The following LY86 variants were observed in gnomAD, a reference collection of about 807,000 sequenced individuals.
LY86 encodes the protein lymphocyte antigen 86, also known as MD-1, RP105-associated.
Under a neutral mutation model 17.3 loss-of-function variants are expected in LY86, and 20 were observed. The ratio of observed to expected loss-of-function variants is 1.15; its 90% CI spans 0.81 to 1.68. The LOEUF is 1.68. Among genes scored for constraint, LY86 ranks in the 40% most tolerant of loss-of-function variants. The pLI is 0.00. For synonymous variants in LY86, 74 were observed against 70.6 expected (o/e 1.05, Z -0.24); for missense variants, 200 against 191.9 (o/e 1.04, Z -0.25).
intron 1 of LY86, among the ~76,000 whole-genome samples, chr6:6,606,565 G>A (rs772262766): frequency 2.6e-5 from 4 of 152,188 alleles, no homozygotes; most frequent in Non-Finnish European, 5.9e-5. Context: ...AGGAGCCCAC[G>A]GAGCGGGGGG....
At chr6:6,632,338 A>G (rs1056988934) in intron 3 of LY86, among the ~76,000 whole-genome samples, 2 of 152,042 alleles carry the variant, frequency 1.3e-5, no homozygotes, top group East Asian at 3.9e-4. Context: ...ACATTTCTCT[A>G]TTTCTCAATT....
At chr6:6,632,474 C>G (rs1761910441) in intron 3 of LY86, among the ~76,000 whole-genome samples, 1 of 152,172 alleles carries the variant, frequency 6.6e-6, no homozygotes, top group African/African-American at 2.4e-5. Context: ...CCTCCCCTAC[C>G]CGAGGGACCT....
At chr6:6,605,703 C>T (rs1429197872) in intron 1 of LY86, among the ~76,000 whole-genome samples, 1 of 152,034 alleles carries the variant, frequency 6.6e-6, no homozygotes, top group Non-Finnish European at 1.5e-5. Context: ...AAGAATGAAG[C>T]CGCGGAACCT....
At chr6:6,616,234 G>T (rs1761551177) in intron 1 of LY86, among the ~76,000 whole-genome samples, 1 of 152,232 alleles carries the variant, frequency 6.6e-6, no homozygotes, top group Non-Finnish European at 1.5e-5. Flanking sequence ...TGGGAAGCTT[G>T]TTGGGTCTTG....
chr6:6,620,749 C>G (rs1354663228), intron 1 of LY86: 3 of 152,282 alleles, frequency 2.0e-5, no homozygotes, highest in East Asian at 3.8e-4. Context: ...GAAGGCACAA[C>G]AATACCTTTG....
chr6:6,589,673 T>C (rs1760465662), intron 1 of LY86, among the ~76,000 whole-genome samples: 1 of 152,176 alleles, frequency 6.6e-6, no homozygotes, highest in Admixed American at 6.5e-5. Flanking sequence ...GAGACCTCTC[T>C]TCTTTGCTTC....
At chr6:6,599,053 T>C (rs1484380387) in intron 1 of LY86, among the ~76,000 whole-genome samples, 1 of 152,204 alleles carries the variant, frequency 6.6e-6, no homozygotes, top group East Asian at 1.9e-4. Context: ...CATTCACAAC[T>C]CTTTGTCCTT....
At position 6,654,809 on chromosome 6, in the gene LY86, T is replaced by C. The variant is rs1175909201; in HGVS notation, c.*182T>C. The C allele has an allele frequency of 1.7e-5, 10 of 589,624 alleles. No individual in the cohort carries two copies. The highest frequency in any genetic ancestry group is 2.7e-5 in the Non-Finnish European group (9 of 331,790). The allele number at this position is 589,624 out of a possible 1,614,324, so 36.5% of individuals were successfully genotyped here. On this transcript the variant is annotated 3_prime_UTR_variant, in exon 5 of 5. Transcript: ENST00000230568. The stretch of plus-strand genomic sequence containing the variant: ...ACCAGACATCCCCAGACTCCACAGA[T>C]GTAATGAAGTCCCCGAATGTATCTG...
intron 1 of LY86, among the ~76,000 whole-genome samples, chr6:6,612,315 C>T (rs1012254904): frequency 8.5e-5 from 13 of 152,152 alleles, no homozygotes; most frequent in Admixed American, 2.6e-4. Context: ...TAACTTCAGG[C>T]GTGAAACTGC....
intron 1 of LY86, among the ~76,000 whole-genome samples, chr6:6,616,219 A>C (rs1761551045): frequency 6.6e-6 from 1 of 152,324 alleles, no homozygotes; most frequent in South Asian, 2.1e-4. Flanking sequence ...GAATTTTATC[A>C]AAATTGGGAA....
intron 1 of LY86, among the ~76,000 whole-genome samples, chr6:6,593,141 C>A (rs1280006167): frequency 6.6e-6 from 1 of 152,268 alleles, no homozygotes; most frequent in African/African-American, 2.4e-5. Context: ...ATCAATTTCA[C>A]TGGGTAGACA....
chr6:6,605,018 TAA>T (rs993009854), intron 1 of LY86, among the ~76,000 whole-genome samples: 4 of 143,884 alleles, frequency 2.8e-5, no homozygotes, highest in African/African-American at 7.3e-5. Flanking sequence ...CAATAGTAAG[TAA>T]AAGACTTTGG....
intron 1 of LY86, among the ~76,000 whole-genome samples, chr6:6,615,077 G>A (rs911269246): frequency 1.3e-5 from 2 of 152,216 alleles, no homozygotes; most frequent in Non-Finnish European, 2.9e-5. Context: ...GTGATACACG[G>A]TAGACGTAGG....
intron 1 of LY86, among the ~76,000 whole-genome samples, chr6:6,611,462 C>T (rs1761329926): frequency 6.6e-6 from 1 of 152,218 alleles, no homozygotes; most frequent in Non-Finnish European, 1.5e-5. Context: ...CAGAACAGGA[C>T]CTGCTGTGGA....
At chr6:6,617,045 A>T (rs1265724753) in intron 1 of LY86, among the ~76,000 whole-genome samples, 1 of 152,232 alleles carries the variant, frequency 6.6e-6, no homozygotes. Context: ...CTTCCATTGT[A>T]AAAAGAGAGC....
At chr6:6,592,480 C>T (rs959569566) in intron 1 of LY86, among the ~76,000 whole-genome samples, 17 of 152,132 alleles carry the variant, frequency 1.1e-4, no homozygotes, top group African/African-American at 4.1e-4. Flanking sequence ...GACAGAAATA[C>T]TTATGATTGG....
intron 1 of LY86, among the ~76,000 whole-genome samples, chr6:6,589,712 T>C (rs1760466932): frequency 6.6e-6 from 1 of 152,206 alleles, no homozygotes; most frequent in Non-Finnish European, 1.5e-5. Flanking sequence ...TGTCTCCTCA[T>C]GTGCTCTTCC....
At chr6:6,597,427 G>A (rs1760749219) in intron 1 of LY86, among the ~76,000 whole-genome samples, 1 of 152,188 alleles carries the variant, frequency 6.6e-6, no homozygotes, top group African/African-American at 2.4e-5. Context: ...TCCAAAACCT[G>A]AACAAGGCGG....
Position 6,626,286 on chromosome 6 carries a change from C to G in LY86, c.224-7C>G, listed in dbSNP as rs1452177203. 6.2e-7 allele frequency: 1 copy of G among 1,613,272 alleles called. No individual in the cohort carries two copies. The highest frequency in any genetic ancestry group is 8.5e-7 in the Non-Finnish European group (1 of 1,179,834). On this transcript the variant is annotated splice_polypyrimidine_tract_variant and splice_region_variant and intron_variant, in intron 2 of 4. Coordinates refer to ENST00000230568, the MANE Select transcript of LY86 (RefSeq NM_004271.4). ...TAAGAGTAAAGCTGTTCTTCTCTTT[C>G]CTCCAGGAGAGGACATCAAAGAGCT...
Sources: allele counts gnomAD v4.1 joint callset (sites outside exome capture counted in the v4.1 genomes callset), GRCh38; gene constraint gnomAD v4.1.1; transcripts MANE v1.5; gene names NCBI Gene and HGNC (gene_info 2026-07-23, HGNC 2026-07-21).